Variants in EZR observed in about 807,000 individuals in gnomAD.
EZR encodes ezrin.
In EZR, 40 loss-of-function variants were observed where a neutral mutation model predicts 74.8. The observed-to-expected ratio is 0.53, with a 90% CI of 0.42 to 0.70. EZR has a LOEUF of 0.70. Among genes scored for constraint, EZR ranks in the 30% least tolerant of loss-of-function variants. The pLI is 0.00. For synonymous variants in EZR, 341 were observed against 283.3 expected (o/e 1.20, Z -2.05); for missense variants, 678 against 755.8 (o/e 0.90, Z 1.21).
intron 2 of EZR, among the ~76,000 whole-genome samples, chr6:158,805,612 A>G (rs889751887): frequency 3.9e-5 from 6 of 152,178 alleles, no homozygotes; most frequent in African/African-American, 1.2e-4. Flanking sequence ...AAAAATCCAA[A>G]CTAAATCAGT....
At chr6:158,775,536 T>A (rs1246731755) in intron 8 of EZR, among the ~76,000 whole-genome samples, 1 of 152,330 alleles carries the variant, frequency 6.6e-6, no homozygotes, top group South Asian at 2.1e-4. Flanking sequence ...CAGCCCATGT[T>A]TGCCTCTCCA....
In EZR at chr6:158,771,418, G is replaced by C; in HGVS notation, c.796-11C>G. On this transcript the variant is annotated splice_polypyrimidine_tract_variant and intron_variant, in intron 8 of 13. Transcript: ENST00000367075. ...ATAAAACACAAAGTCCTACAAAACA[G>C]AACAGGGCCACCTGGACTCAAGCTC... 6.3e-7 allele frequency: 1 copy of C among 1,587,674 alleles called. No individual in the cohort carries two copies. The highest frequency in any genetic ancestry group is 8.6e-7 in the Non-Finnish European group (1 of 1,164,126).
intron 2 of EZR, among the ~76,000 whole-genome samples, chr6:158,812,533 C>T (rs1777471859): frequency 1.3e-5 from 2 of 152,132 alleles, no homozygotes; most frequent in African/African-American, 4.8e-5. Context: ...TTCCTCTTAA[C>T]TTTAGGTATG....
rs1163961164 is a variant in EZR, at chr6:158,782,015, T to C, written c.698+1505A>G. On this transcript the variant is annotated intron_variant, in intron 7 of 13. Transcript: ENST00000367075. The stretch of plus-strand genomic sequence containing the variant: ...CTCAAGGGATTCGCCTGCCTCGGCC[T>C]CCCAGAGTGCTGGGATTCCAGGTGT... Among the ~76,000 whole-genome samples, 3 of 152,220 alleles carry C rather than the reference T, an allele frequency of 2.0e-5. No homozygotes were observed. In the East Asian group the frequency reaches 5.8e-4, roughly 29 times the overall value.
intron 7 of EZR, among the ~76,000 whole-genome samples, chr6:158,780,098 G>A (rs1010646150): frequency 5.3e-5 from 8 of 150,920 alleles, no homozygotes; most frequent in East Asian, 2.0e-4. Context: ...CAGGAGAACC[G>A]CTTGAACCCA....
intron 7 of EZR, among the ~76,000 whole-genome samples, chr6:158,780,247 T>C (rs1383894693): frequency 1.3e-5 from 2 of 151,864 alleles, no homozygotes; most frequent in East Asian, 1.9e-4. Flanking sequence ...CTGAGTGTGA[T>C]AATGTTCTAC....
intron 2 of EZR, among the ~76,000 whole-genome samples, chr6:158,806,168 C>T (rs1048505288): frequency 3.3e-5 from 5 of 152,176 alleles, no homozygotes; most frequent in African/African-American, 9.6e-5. Context: ...GGTGAGATGG[C>T]CCGGGTGGGG....
intron 8 of EZR, among the ~76,000 whole-genome samples, chr6:158,774,608 G>A (rs909980544): frequency 2.7e-5 from 4 of 149,688 alleles, no homozygotes; most frequent in Non-Finnish European, 5.9e-5. Flanking sequence ...GCGTTACAAT[G>A]GCTTCTGCTT....
intron 2 of EZR, among the ~76,000 whole-genome samples, chr6:158,793,353 T>C (rs889907852): frequency 1.3e-5 from 2 of 152,052 alleles, no homozygotes. Context: ...CCAGTTCTGA[T>C]TTGGGGACAC....
chr6:158,793,513 G>A (rs544834737), intron 2 of EZR, among the ~76,000 whole-genome samples: 1 of 152,236 alleles, frequency 6.6e-6, no homozygotes, highest in East Asian at 1.9e-4. Flanking sequence ...CTATGTTAAT[G>A]AGCTGCTTTA....
intron 2 of EZR, among the ~76,000 whole-genome samples, chr6:158,799,264 C>A (rs1421947314): frequency 6.6e-6 from 1 of 152,164 alleles, no homozygotes; most frequent in African/African-American, 2.4e-5. Flanking sequence ...GGACCCCAGG[C>A]TAAGGGTCTG....
intron 2 of EZR, among the ~76,000 whole-genome samples, chr6:158,802,069 C>A (rs879579132): frequency 1.3e-5 from 2 of 152,220 alleles, no homozygotes; most frequent in Non-Finnish European, 2.9e-5. Flanking sequence ...AAAAACGTAA[C>A]CCACCACAAC....
chr6:158,800,360 GA>G (rs1373523037), intron 2 of EZR, among the ~76,000 whole-genome samples: 1 of 152,180 alleles, frequency 6.6e-6, no homozygotes, highest in East Asian at 1.9e-4. Flanking sequence ...CCAAGGAAAG[GA>G]AGGGCTAGAA....
intron 12 of EZR, among the ~76,000 whole-genome samples, chr6:158,768,547 C>T (rs1260178769): frequency 1.3e-5 from 2 of 152,206 alleles, no homozygotes; most frequent in Middle Eastern, 3.4e-3. Context: ...GACGGGCCAG[C>T]GGGTCTGTGA....
chr6:158,805,508 T>C (rs1235590228), intron 2 of EZR, among the ~76,000 whole-genome samples: 2 of 152,222 alleles, frequency 1.3e-5, no homozygotes, highest in South Asian at 2.1e-4. Context: ...ACATTTCTCC[T>C]GTAAGAAACT....
intron 2 of EZR, among the ~76,000 whole-genome samples, chr6:158,792,314 C>T (rs571222556): frequency 1.3e-4 from 19 of 150,820 alleles, no homozygotes; most frequent in Middle Eastern, 7.3e-3. Flanking sequence ...TGGGTTCAAA[C>T]GATTCTCCTG....
At chr6:158,777,713 C>A (rs761044469) in intron 7 of EZR, among the ~76,000 whole-genome samples, 1 of 152,144 alleles carries the variant, frequency 6.6e-6, no homozygotes, top group Non-Finnish European at 1.5e-5. Context: ...TCAACTAGAT[C>A]AAGGCAGTGG....
intron 8 of EZR, among the ~76,000 whole-genome samples, chr6:158,771,917 A>G (rs556005306): frequency 6.9e-4 from 105 of 152,102 alleles, no homozygotes; most frequent in African/African-American, 2.5e-3. Flanking sequence ...CCTCTGCCAC[A>G]GCCTCCCCTC....
intron 7 of EZR, 44 bp downstream of exon 7, chr6:158,783,476 C>A (rs1045340667): frequency 3.8e-5 from 59 of 1,563,208 alleles, no homozygotes; most frequent in Non-Finnish European, 4.8e-5. Context: ...TGTTTCCAGG[C>A]CCACCACCCT....
Sources: gnomAD v4.1 joint callset for allele counts (sites outside exome capture counted in the v4.1 genomes callset) on GRCh38, gnomAD v4.1.1 for gene constraint, MANE v1.5 for transcripts, NCBI Gene and HGNC (gene_info 2026-07-23, HGNC 2026-07-21) for gene names.